The following POU6F2 variants were observed in gnomAD, a reference collection of about 807,000 sequenced individuals.
POU6F2 encodes POU domain, class 6, transcription factor 2.
POU6F2 carries 31 observed loss-of-function variants against 71.3 expected under a neutral mutation model. The observed-to-expected ratio is 0.43, with a 90% confidence interval of 0.33 to 0.59. The LOEUF (loss-of-function observed/expected upper bound fraction) is 0.59, where lower values mean the gene tolerates loss of function less well. POU6F2 is among the 20% of genes least tolerant of loss of function. The probability of loss-of-function intolerance (pLI) is 0.04; values close to 1 mark genes in which losing one functional copy is unlikely to be tolerated. For synonymous variants in POU6F2, 347 were observed against 355.7 expected, an observed-to-expected ratio of 0.98 and a Z score of 0.27; for missense variants, 783 against 856.8, an observed-to-expected ratio of 0.91 and a Z score of 1.07.
chr7:39,413,219 G>A (rs1787593282), intron 6 of POU6F2, among the ~76,000 whole-genome samples: 1 of 151,904 alleles, frequency 6.6e-6, no homozygotes, highest in African/African-American at 2.4e-5. Context: ...AACAAAACAT[G>A]ACAGACACAG....
intron 2 of POU6F2, among the ~76,000 whole-genome samples, chr7:39,160,566 T>G (rs1235712919): frequency 6.6e-6 from 1 of 152,170 alleles, no homozygotes; most frequent in Non-Finnish European, 1.5e-5. Flanking sequence ...GTAACTGATA[T>G]TCATCTAAAA....
chr7:39,121,652 T>A (rs1165308534), intron 2 of POU6F2, among the ~76,000 whole-genome samples: 2 of 152,218 alleles, frequency 1.3e-5, no homozygotes, highest in African/African-American at 2.4e-5. Context: ...GAGAAAAAGA[T>A]TAATGTGTAC....
intron 4 of POU6F2, among the ~76,000 whole-genome samples, chr7:39,260,236 C>T (rs886821793): frequency 6.6e-6 from 1 of 150,530 alleles, no homozygotes; most frequent in Non-Finnish European, 1.5e-5. Flanking sequence ...ATGCAATACA[C>T]ACACCACACC....
At chr7:39,183,753 A>G (rs746532900) in intron 2 of POU6F2, among the ~76,000 whole-genome samples, 2 of 152,208 alleles carry the variant, frequency 1.3e-5, no homozygotes, top group Non-Finnish European at 2.9e-5. Context: ...TAGCCCTAAT[A>G]ATGCCAAGAG....
At chr7:39,436,536 G>T (rs1334649323) in intron 7 of POU6F2, among the ~76,000 whole-genome samples, 1 of 133,072 alleles carries the variant, frequency 7.5e-6, no homozygotes, top group Non-Finnish European at 1.6e-5. Flanking sequence ...AGACGATGGG[G>T]TTTTCTAAAT....
intron 2 of POU6F2, among the ~76,000 whole-genome samples, chr7:39,170,242 A>G (rs1055607306): frequency 1.3e-5 from 2 of 152,188 alleles, no homozygotes; most frequent in African/African-American, 4.8e-5. Flanking sequence ...TGCTTACTAT[A>G]CTTTCTTAAC....
chr7:39,416,093 T>TACAC (rs57579748), intron 6 of POU6F2, among the ~76,000 whole-genome samples: 9,330 of 139,128 alleles, frequency 0.067, 330 homozygotes, highest in Middle Eastern at 0.078. Context: ...CTCGAAGGCA[T>TACAC]ACACACACAC....
chr7:39,375,673 G>A (rs1786697151), intron 5 of POU6F2, among the ~76,000 whole-genome samples: 1 of 151,696 alleles, frequency 6.6e-6, no homozygotes, highest in African/African-American at 2.4e-5. Context: ...CTGCAGCAGT[G>A]TGGAAACTCC....
intron 6 of POU6F2, among the ~76,000 whole-genome samples, chr7:39,424,763 G>C (rs1386340265): frequency 1.3e-5 from 2 of 151,742 alleles, no homozygotes; most frequent in East Asian, 3.9e-4. Context: ...AGTAAAATAT[G>C]TAACCCCAGA....
At chr7:39,179,472 G>A (rs1584585392) in intron 2 of POU6F2, among the ~76,000 whole-genome samples, 1 of 152,252 alleles carries the variant, frequency 6.6e-6, no homozygotes, top group Non-Finnish European at 1.5e-5. Context: ...CACTTGCTAA[G>A]CCCAATTGAA....
chr7:39,188,026 G>T (rs1189954390), intron 2 of POU6F2, among the ~76,000 whole-genome samples: 1 of 152,172 alleles, frequency 6.6e-6, no homozygotes, highest in Non-Finnish European at 1.5e-5. Flanking sequence ...ATGACCATTT[G>T]TGATTGAACA....
chr7:38,980,270 T>C (rs1788283196), intron 1 of POU6F2, among the ~76,000 whole-genome samples: 1 of 152,192 alleles, frequency 6.6e-6, no homozygotes, highest in Non-Finnish European at 1.5e-5. Flanking sequence ...GTTGTAAACA[T>C]TTCTGTGCTA....
chr7:39,076,168 C>T (rs1305492386), intron 1 of POU6F2, among the ~76,000 whole-genome samples: 2 of 151,946 alleles, frequency 1.3e-5, no homozygotes, highest in African/African-American at 4.8e-5. Context: ...TTCCTTTCTC[C>T]CTTTTCTCCC....
At chr7:39,017,564 A>G (rs1373895456) in intron 1 of POU6F2, among the ~76,000 whole-genome samples, 1 of 152,138 alleles carries the variant, frequency 6.6e-6, no homozygotes, top group East Asian at 1.9e-4. Context: ...CACCCAGAGT[A>G]GGAGTCACTC....
At chr7:39,449,128 A>G (rs1174029983) in intron 7 of POU6F2, among the ~76,000 whole-genome samples, 1 of 152,220 alleles carries the variant, frequency 6.6e-6, no homozygotes, top group Middle Eastern at 3.2e-3. Flanking sequence ...TTCACTTGAA[A>G]TGCAACCTCA....
intron 4 of POU6F2, among the ~76,000 whole-genome samples, chr7:39,250,297 G>A (rs567349105): frequency 2.0e-5 from 3 of 152,086 alleles, no homozygotes; most frequent in Non-Finnish European, 4.4e-5. Context: ...TCATTGCACC[G>A]CCTTTGGTTT....
At chr7:39,119,028 T>G (rs545946077) in intron 2 of POU6F2, among the ~76,000 whole-genome samples, 1 of 152,336 alleles carries the variant, frequency 6.6e-6, no homozygotes, top group South Asian at 2.1e-4. Context: ...GCATCTCCTA[T>G]GTACTGCTTC....
intron 9 of POU6F2, among the ~76,000 whole-genome samples, chr7:39,461,242 A>C (rs1320412340): frequency 6.6e-6 from 1 of 152,224 alleles, no homozygotes; most frequent in African/African-American, 2.4e-5. Context: ...ATAAAAAATA[A>C]AAGAAAAGAA....
At chr7:39,127,881 C>T (rs377096520) in intron 2 of POU6F2, among the ~76,000 whole-genome samples, 2 of 123,270 alleles carry the variant, frequency 1.6e-5, no homozygotes, top group South Asian at 2.6e-4. Flanking sequence ...CTTGCTCTGT[C>T]GCCCAGGCTG....
Sources: gnomAD v4.1 joint callset for allele counts (sites outside exome capture counted in the v4.1 genomes callset) on GRCh38, gnomAD v4.1.1 for gene constraint, MANE v1.5 for transcripts, NCBI Gene and HGNC (gene_info 2026-07-23, HGNC 2026-07-21) for gene names.